INTS4: variants seen among roughly 807,000 people sequenced by gnomAD.
INTS4 encodes the protein MSTP093.
In INTS4, 70 loss-of-function variants were observed where a neutral mutation model predicts 119.5. That is an observed-to-expected ratio of 0.59 (90% CI 0.48 to 0.71). INTS4 has a LOEUF of 0.71. Ranked by LOEUF, INTS4 falls within the 30% of genes least tolerant of loss-of-function variation. The probability of loss-of-function intolerance (pLI) is 0.00; values close to 1 mark genes in which losing one functional copy is unlikely to be tolerated. For synonymous variants in INTS4, 316 were observed against 419.6 expected (o/e 0.75, Z 3.02); for missense variants, 867 against 1,173.2 (o/e 0.74, Z 3.81).
chr11:77,956,514 C>T (rs1954325573), intron 7 of INTS4, among the ~76,000 whole-genome samples: 1 of 152,058 alleles, frequency 6.6e-6, no homozygotes, highest in South Asian at 2.1e-4. Flanking sequence ...CGAGACCAGC[C>T]TGGCCAACAT....
intron 19 of INTS4, among the ~76,000 whole-genome samples, chr11:77,892,818 C>T (rs1335066439): frequency 2.0e-5 from 3 of 152,064 alleles, no homozygotes; most frequent in African/African-American, 4.8e-5. Flanking sequence ...CTCCTGACCT[C>T]GTGATCCACC....
At chr11:77,897,400 A>G (rs1464252839) in intron 18 of INTS4, among the ~76,000 whole-genome samples, 1 of 151,536 alleles carries the variant, frequency 6.6e-6, no homozygotes, top group Non-Finnish European at 1.5e-5. Flanking sequence ...TACAAGGATT[A>G]TGTACTTATA....
At chr11:77,917,017 G>A (rs1953219149) in intron 15 of INTS4, among the ~76,000 whole-genome samples, 1 of 152,212 alleles carries the variant, frequency 6.6e-6, no homozygotes, top group Non-Finnish European at 1.5e-5. Context: ...GGTTCAGTTG[G>A]CTGGCTTTAT....
chr11:77,985,065 A>G (rs965277063), intron 2 of INTS4, among the ~76,000 whole-genome samples: 5 of 152,154 alleles, frequency 3.3e-5, no homozygotes, highest in Non-Finnish European at 7.4e-5. Flanking sequence ...CACCTGAGCT[A>G]AAAACAGAAT....
Position 77,980,918 on chromosome 11 carries a change from G to A in INTS4, c.364+541C>T, listed in dbSNP as rs1007080365. 5.9e-5 allele frequency among the ~76,000 whole-genome samples: 9 copies of A among 151,958 alleles called. No homozygotes were observed. In the East Asian group the frequency reaches 1.2e-3, roughly 20 times the overall value. On this transcript the variant is annotated intron_variant, in intron 3 of 22. Transcript: ENST00000534064. The stretch of plus-strand genomic sequence containing the variant: ...TGAGGCAGGAGAATGACGTGAACCC[G>A]GGAGGCAGAGCTTGCAGTGAGCCGA...
At chr11:77,956,726 AAT>A (rs1491397873) in intron 7 of INTS4, among the ~76,000 whole-genome samples, 23 of 14,250 alleles carry the variant, frequency 1.6e-3, no homozygotes, top group Middle Eastern at 0.024. Flanking sequence ...TAATAATAAT[AAT>A]AATAATAATA....
At chr11:77,968,322 G>C (rs1022377838) in intron 4 of INTS4, among the ~76,000 whole-genome samples, 2 of 152,134 alleles carry the variant, frequency 1.3e-5, no homozygotes, top group South Asian at 2.1e-4. Flanking sequence ...TAAAAAGGAA[G>C]AAAATTCTGA....
intron 4 of INTS4, among the ~76,000 whole-genome samples, chr11:77,977,540 T>C (rs912874380): frequency 6.6e-6 from 1 of 151,910 alleles, no homozygotes; most frequent in Admixed American, 6.6e-5. Flanking sequence ...ATGATTTGCA[T>C]ACAGAAAAAA....
At chr11:77,979,542 C>G (rs1226063435) in intron 3 of INTS4, among the ~76,000 whole-genome samples, 2 of 151,958 alleles carry the variant, frequency 1.3e-5, no homozygotes, top group African/African-American at 2.4e-5. Context: ...ATGCCCTCAA[C>G]TAAAAGCTAA....
intron 21 of INTS4, among the ~76,000 whole-genome samples, chr11:77,886,448 G>T (rs1489741267): frequency 6.6e-6 from 1 of 152,170 alleles, no homozygotes; most frequent in Non-Finnish European, 1.5e-5. Flanking sequence ...CCCGCGGCGG[G>T]TGTTGATGCC....
intron 7 of INTS4, among the ~76,000 whole-genome samples, chr11:77,957,969 C>T (rs1452065933): frequency 6.6e-6 from 1 of 151,936 alleles, no homozygotes; most frequent in Non-Finnish European, 1.5e-5. Context: ...CCAGACTGAA[C>T]TTCTATAAAT....
intron 12 of INTS4, chr11:77,922,809 T>C (rs957837556): frequency 8.6e-6 from 3 of 350,362 alleles, no homozygotes; most frequent in Admixed American, 4.3e-5. Context: ...GAACCACTAT[T>C]GGTCTAAACC....
At chr11:77,960,123 TAA>T (rs922303068) in intron 6 of INTS4, among the ~76,000 whole-genome samples, 2 of 152,144 alleles carry the variant, frequency 1.3e-5, no homozygotes, top group African/African-American at 4.8e-5. Context: ...TAAATCCTCC[TAA>T]AAGTCCTTTT....
intron 15 of INTS4, chr11:77,914,912 AT>A (rs1419413662): frequency 4.5e-5 from 7 of 156,052 alleles, no homozygotes; most frequent in African/African-American, 1.7e-4. Flanking sequence ...AACCTAAAAA[AT>A]AATTCAGTTT....
Position 77,934,041 on chromosome 11 carries a change from G to T in INTS4, c.1165+4610C>A, listed in dbSNP as rs559916131. 4.3e-3 allele frequency among the ~76,000 whole-genome samples: 51 copies of T among 11,908 alleles called. 1 individual carries two copies. The South Asian group carries it at 0.16, about 36-fold the overall frequency. The allele number at this position is 11,908 out of a possible 152,430, so 7.8% of individuals were successfully genotyped here. On this transcript the variant is annotated intron_variant, in intron 10 of 22. Coordinates refer to ENST00000534064, the MANE Select transcript of INTS4 (RefSeq NM_033547.4). ...GACTTAGGAGACTCCATTTTGTTCT[G>T]TACTAAGAAAAATCTTCTGCCTTGG... is the stretch of plus-strand genomic sequence containing the variant.
intron 19 of INTS4, 70 bp downstream of exon 19, chr11:77,894,220 C>T: frequency 1.3e-6 from 1 of 764,098 alleles, no homozygotes; most frequent in South Asian, 1.6e-5. Context: ...GTGATTGTTC[C>T]TATTGCCTGC....
chr11:77,992,234 C>A (rs1202096455), intron 1 of INTS4, among the ~76,000 whole-genome samples: 1 of 150,506 alleles, frequency 6.6e-6, no homozygotes, highest in Non-Finnish European at 1.5e-5. Flanking sequence ...CCCATCTCTA[C>A]TAAAAACACA....
intron 4 of INTS4, chr11:77,977,764 C>T (rs905821660): frequency 2.0e-5 from 3 of 151,532 alleles, no homozygotes; most frequent in Non-Finnish European, 4.4e-5. Flanking sequence ...GATATCACAA[C>T]CCATTCATTA....
Position 77,891,715 on chromosome 11 carries a change from T to C in INTS4, c.2414A>G (p.Gln805Arg). 1 of 1,612,028 alleles carries C rather than the reference T, an allele frequency of 6.2e-7. No individual in the cohort carries two copies. The highest frequency in any genetic ancestry group is 8.5e-7 in the Non-Finnish European group (1 of 1,179,866). ...AAGCGGGAGATGCAGAAAGGCACTC[T>C]GTCGCAGCATGGTCTGTAGAATTTT... is the stretch of plus-strand genomic sequence containing the variant. Reference protein sequence around the residue: ...VVKILQTMLRQSAFLHLPLPE... With the variant: ...VVKILQTMLRRSAFLHLPLPE... The change falls in exon 20 of 23, where the codon CAG (glutamine) becomes CGG (arginine). Residue 805 changes from glutamine to arginine, a missense_variant. By Grantham distance (43) the Gln-to-Arg change is conservative (BLOSUM62 1). This residue lies in a region of INTS4 where 262 missense variants were observed against 376.0 expected (regional missense o/e 0.70). Transcript: ENST00000534064.
Sources: allele counts gnomAD v4.1 joint callset (sites outside exome capture counted in the v4.1 genomes callset), GRCh38; gene constraint gnomAD v4.1.1; regional missense constraint gnomAD v4.1.1; transcripts MANE v1.5; gene names NCBI Gene and HGNC (gene_info 2026-07-23, HGNC 2026-07-21).